Variants in FOXN3 observed in about 807,000 individuals in gnomAD.
The protein encoded by FOXN3 is forkhead box protein N3.
FOXN3 carries 7 observed loss-of-function variants against 38.4 expected under a neutral mutation model. The ratio of observed to expected loss-of-function variants is 0.18; its 90% confidence interval spans 0.10 to 0.34. The LOEUF is 0.34. Ranked by LOEUF, FOXN3 falls within the 10% of genes least tolerant of loss-of-function variation. The pLI is 1.00. For missense variants in FOXN3, 456 were observed against 613.4 expected (o/e 0.74, Z 2.71); for synonymous variants, 230 against 242.2 (o/e 0.95, Z 0.47).
At chr14:89,521,415 C>T (rs1894316963) in intron 1 of FOXN3, among the ~76,000 whole-genome samples, 1 of 150,062 alleles carries the variant, frequency 6.7e-6, no homozygotes, top group Non-Finnish European at 1.5e-5. Flanking sequence ...AGAAGAGAAT[C>T]AATGAATTTG....
chr14:89,591,168 G>A (rs899312607), intron 1 of FOXN3, among the ~76,000 whole-genome samples: 1 of 152,102 alleles, frequency 6.6e-6, no homozygotes, highest in Non-Finnish European at 1.5e-5. Context: ...AAAAGGGATC[G>A]CCTTATTTCC....
At position 89,156,189 on chromosome 14, in the gene FOXN3, T is replaced by C. The variant is rs779384085; in HGVS notation, c.*6225A>G. The C allele has an allele frequency of 6.6e-6, 1 of 152,636 alleles. No individual in the cohort carries two copies. Among genetic ancestry groups the C allele is most frequent in the Non-Finnish European group, 1.5e-5 (1 of 68,036 alleles). 9.5% of individuals were successfully genotyped at this position (152,636 alleles called of 1,614,324 possible). A position where few individuals can be genotyped will look rare whatever the true frequency, so the allele number is the denominator to read the frequency against. ...ACACTACGTGGTGTTTTTCTTCAAT[T>C]GATGCAACTCAGTAATTTTTATTGC... On this transcript the variant is annotated 3_prime_UTR_variant, in exon 6 of 6. Coordinates refer to ENST00000557258, the MANE Select transcript of FOXN3 (RefSeq NM_005197.4).
At chr14:89,399,350 A>C (rs1891187072) in intron 2 of FOXN3, among the ~76,000 whole-genome samples, 1 of 152,180 alleles carries the variant, frequency 6.6e-6, no homozygotes, top group African/African-American at 2.4e-5. Context: ...CTGGGCTGCA[A>C]AGAGGAGGCT....
chr14:89,587,034 C>G (rs1895855665), intron 1 of FOXN3, among the ~76,000 whole-genome samples: 1 of 152,244 alleles, frequency 6.6e-6, no homozygotes, highest in Admixed American at 6.5e-5. Context: ...TGCACAATTA[C>G]AGGGGCTGGT....
intron 5 of FOXN3, among the ~76,000 whole-genome samples, chr14:89,178,932 A>G (rs1426768452): frequency 1.3e-5 from 2 of 152,270 alleles, no homozygotes; most frequent in African/African-American, 4.8e-5. Context: ...TGTTGCTCCA[A>G]GCAAAAATAG....
intron 1 of FOXN3, among the ~76,000 whole-genome samples, chr14:89,438,276 A>C (rs962739016): frequency 6.6e-6 from 1 of 152,262 alleles, no homozygotes; most frequent in African/African-American, 2.4e-5. Context: ...AATGTGCTGA[A>C]TGAGCACCTT....
intron 2 of FOXN3, among the ~76,000 whole-genome samples, chr14:89,370,760 C>A (rs918507793): frequency 6.6e-5 from 10 of 152,234 alleles, no homozygotes; most frequent in Non-Finnish European, 1.3e-4. Flanking sequence ...ACACACAGAG[C>A]CGTAAATTAC....
chr14:89,174,578 C>T (rs527807197), intron 5 of FOXN3, among the ~76,000 whole-genome samples: 2 of 152,300 alleles, frequency 1.3e-5, no homozygotes, highest in East Asian at 3.9e-4. Flanking sequence ...CTAGGTACAA[C>T]ATGAAAAGGA....
intron 1 of FOXN3, among the ~76,000 whole-genome samples, chr14:89,565,093 C>CAAAAAA (rs59821937): frequency 1.9e-5 from 1 of 52,914 alleles, no homozygotes. Flanking sequence ...GAGCTCGTCT[C>CAAAAAA]AAAAAAAAAA....
At chr14:89,571,263 C>T (rs1895483171) in intron 1 of FOXN3, among the ~76,000 whole-genome samples, 1 of 152,114 alleles carries the variant, frequency 6.6e-6, no homozygotes, top group South Asian at 2.1e-4. Flanking sequence ...AATCCCAGCA[C>T]TTTGGGAAGC....
chr14:89,444,007 C>CAAAAAAAAAAA (rs569571116), intron 1 of FOXN3, among the ~76,000 whole-genome samples: 1 of 67,634 alleles, frequency 1.5e-5, no homozygotes. Context: ...GAAACTCTGT[C>CAAAAAAAAAAA]AAAAAAAAAA....
intron 3 of FOXN3, among the ~76,000 whole-genome samples, chr14:89,323,300 AAAAAG>A (rs1363786756): frequency 2.0e-5 from 3 of 148,278 alleles, no homozygotes; most frequent in African/African-American, 7.4e-5. Flanking sequence ...AAAAAAAAAA[AAAAAG>A]AAAGAAAGAA....
rs898851535 is a variant in FOXN3, at chr14:89,313,929, G to A, written c.681-32915C>T. Among the ~76,000 whole-genome samples, 3 of 152,138 alleles carry A rather than the reference G, an allele frequency of 2.0e-5. No homozygotes were observed. In the South Asian group the frequency reaches 6.2e-4, roughly 31 times the overall value. On this transcript the variant is annotated intron_variant, in intron 3 of 5. Coordinates refer to ENST00000557258, the MANE Select transcript of FOXN3 (RefSeq NM_005197.4). ...ATTCCATATATATGAGGTACCCAGA[G>A]TAGTCAAATTCGTAGAAACAGAAAG...
At chr14:89,247,265 T>C (rs897878536) in intron 4 of FOXN3, among the ~76,000 whole-genome samples, 1 of 152,170 alleles carries the variant, frequency 6.6e-6, no homozygotes. Context: ...AACATGACAA[T>C]TATCCTTTTT....
chr14:89,395,872 T>C (rs2140082494), intron 2 of FOXN3, among the ~76,000 whole-genome samples: 1 of 152,198 alleles, frequency 6.6e-6, no homozygotes, highest in South Asian at 2.1e-4. Flanking sequence ...ATAGAGTTTA[T>C]CAAGACAGAC....
intron 2 of FOXN3, among the ~76,000 whole-genome samples, chr14:89,377,951 G>A (rs1275937853): frequency 6.6e-6 from 1 of 152,196 alleles, no homozygotes; most frequent in Non-Finnish European, 1.5e-5. Context: ...GAAGACATGT[G>A]GGGAAGGCGG....
At position 89,163,116 on chromosome 14, in the gene FOXN3, C is replaced by T. The variant is rs1351167537; in HGVS notation, c.852-147G>A. Reference sequence around the variant, plus strand: ...AGCCACTCGCAAACTGTGGGGGCAACAGGTGGATCTGCTTTGAAGGCAGGG... The same window carrying T: ...AGCCACTCGCAAACTGTGGGGGCAATAGGTGGATCTGCTTTGAAGGCAGGG... On this transcript the variant is annotated intron_variant, in intron 5 of 5. Coordinates refer to ENST00000557258, the MANE Select transcript of FOXN3 (RefSeq NM_005197.4). This position sits in a 1 kb window ranked among gnomAD's most constrained non-coding sequence, Gnocchi z 4.3. 1.4e-6 allele frequency: 1 copy of T among 689,846 alleles called. No individual in the cohort carries two copies. The highest frequency in any genetic ancestry group is 2.8e-5 in the South Asian group (1 of 35,790). The allele number at this position is 689,846 out of a possible 1,614,324, so 42.7% of individuals were successfully genotyped here.
At chr14:89,565,431 G>A (rs909710433) in intron 1 of FOXN3, among the ~76,000 whole-genome samples, 25 of 152,140 alleles carry the variant, frequency 1.6e-4, no homozygotes, top group Admixed American at 8.5e-4. Context: ...ACTTTTAAGA[G>A]GTAGGACAGA....
chr14:89,553,020 C>T (rs1016092055), intron 1 of FOXN3, among the ~76,000 whole-genome samples: 3 of 151,910 alleles, frequency 2.0e-5, no homozygotes, highest in Non-Finnish European at 4.4e-5. Context: ...AGGAGGATCC[C>T]TTGAGCTCAG....
Sources: gnomAD v4.1 joint callset for allele counts (sites outside exome capture counted in the v4.1 genomes callset) on GRCh38, gnomAD v4.1.1 for gene constraint, Gnocchi (gnomAD v3.1) non-coding constraint, MANE v1.5 for transcripts, NCBI Gene and HGNC (gene_info 2026-07-23, HGNC 2026-07-21) for gene names.